ECPAS: variants seen among roughly 807,000 people sequenced by gnomAD.
ECPAS encodes the protein Ecm29 proteasome adaptor and scaffold.
ECPAS carries 70 observed loss-of-function variants against 255.1 expected under a neutral mutation model. That is an observed-to-expected ratio of 0.27 (90% CI 0.23 to 0.33). The LOEUF (loss-of-function observed/expected upper bound fraction) is 0.33. Among genes scored for constraint, ECPAS ranks in the 10% least tolerant of loss-of-function variants. ECPAS has a pLI of 1.00. For missense variants in ECPAS, 1,817 were observed against 2,206.4 expected (o/e 0.82, Z 3.54); for synonymous variants, 784 against 775.0 (o/e 1.01, Z -0.19).
At chr9:111,373,065 TAGC>T in intron 41 of ECPAS, 102 bp downstream of exon 41, 1 of 935,610 alleles carries the variant, frequency 1.1e-6, no homozygotes, top group Non-Finnish European at 1.7e-6. Flanking sequence ...CAAATGTTTC[TAGC>T]AAATCACATA....
At chr9:111,448,336 G>C (rs767246851) in intron 3 of ECPAS, among the ~76,000 whole-genome samples, 19 of 151,862 alleles carry the variant, frequency 1.3e-4, no homozygotes, top group Non-Finnish European at 1.9e-4. Flanking sequence ...TTATCAAGCA[G>C]ACAGAAGGAA....
At chr9:111,411,776 T>C in intron 21 of ECPAS, 1 of 373,846 alleles carries the variant, frequency 2.7e-6, no homozygotes. Flanking sequence ...GATTCTCATG[T>C]ATTTATGAAT....
rs772219330 is a variant in ECPAS, at chr9:111,425,839, T to C, written c.1051-11A>G. ...TCCATCATACACCACCTATGTAAAA[T>C]GAAGAGTTGAGAACATCAATTAATA... On this transcript the variant is annotated splice_polypyrimidine_tract_variant and intron_variant, in intron 10 of 49. Transcript: ENST00000684092. 13 of 1,328,608 alleles carry C rather than the reference T, an allele frequency of 9.8e-6. No homozygotes were observed. The allele number at this position is 1,328,608 out of a possible 1,614,324, so 82.3% of individuals were successfully genotyped here. A position where few individuals can be genotyped will look rare whatever the true frequency, so the allele number is the denominator to read the frequency against.
At chr9:111,385,476 A>G in intron 32 of ECPAS, 34 bp from the exon 33 acceptor site, 2 of 1,172,050 alleles carry the variant, frequency 1.7e-6, no homozygotes, top group Non-Finnish European at 2.5e-6. Flanking sequence ...ATATATGATG[A>G]AAAAGGTCAG....
intron 25 of ECPAS, among the ~76,000 whole-genome samples, chr9:111,395,913 A>G (rs1440807746): frequency 1.3e-5 from 2 of 152,196 alleles, no homozygotes; most frequent in Non-Finnish European, 2.9e-5. Context: ...ACTGACTCTG[A>G]TTCAGCTTCC....
chr9:111,439,271 C>CT (rs909855823), intron 6 of ECPAS, among the ~76,000 whole-genome samples: 1 of 150,786 alleles, frequency 6.6e-6, no homozygotes. Flanking sequence ...TTCTTTTTTC[C>CT]TTTTTTTTTG....
intron 3 of ECPAS, among the ~76,000 whole-genome samples, chr9:111,449,281 G>A (rs138970915): frequency 0.01 from 1,534 of 152,136 alleles, 20 homozygotes; most frequent in Non-Finnish European, 0.016. Flanking sequence ...TCTAAAAGCT[G>A]AGTTTCCTTT....
Position 111,422,176 on chromosome 9 carries a change from C to T in ECPAS, c.1290G>A (p.Lys430=). 1.2e-6 allele frequency: 2 copies of T among 1,613,678 alleles called. No individual in the cohort carries two copies. The highest frequency in any genetic ancestry group is 1.7e-6 in the Non-Finnish European group (2 of 1,179,740). ...AAAGCTGCTGCACAAGCGCTATATC[C>T]TTAGTGAATAAATGTGGCATCCGAC... ...LSSRMPHLFT[K]DIALVQQLFE... The change falls in exon 14 of 50, where the codon AAG becomes AAA. Residue 430 remains lysine (K), a synonymous_variant. Coordinates refer to ENST00000684092, the MANE Select transcript of ECPAS (RefSeq NM_001364929.1).
intron 2 of ECPAS, among the ~76,000 whole-genome samples, chr9:111,464,234 A>G (rs2098276532): frequency 6.6e-6 from 1 of 150,842 alleles, no homozygotes; most frequent in African/African-American, 2.4e-5. Flanking sequence ...GGAGTTCAAG[A>G]CCAGCCTGGG....
intron 2 of ECPAS, among the ~76,000 whole-genome samples, chr9:111,468,123 C>T (rs1181757517): frequency 6.6e-6 from 1 of 152,114 alleles, no homozygotes; most frequent in East Asian, 1.9e-4. Context: ...GCACTTCAGC[C>T]TGGGCATCAG....
chr9:111,444,019 G>T (rs7027253), intron 4 of ECPAS, among the ~76,000 whole-genome samples: 67,031 of 151,816 alleles, frequency 0.44, 14,958 homozygotes, highest in Non-Finnish European at 0.48. Context: ...TCTTCCATTA[G>T]GCTTTATTCG....
Position 111,414,492 on chromosome 9 carries a change from C to T in ECPAS, c.1924G>A (p.Gly642Arg). The change falls in exon 19 of 50, where the codon GGG (glycine) becomes AGG (arginine). Residue 642 changes from glycine to arginine, a missense_variant. Gly to Arg is a moderately radical substitution (Grantham distance 125). Around this residue, in one of 4 missense-constraint regions of ECPAS, gnomAD observed 573 missense variants for 716.2 expected, o/e 0.80. Transcript: ENST00000684092. Reference protein sequence around the residue: ...QMAPSSSNKSGETNPVQIYIG... With the variant: ...QMAPSSSNKSRETNPVQIYIG... ...TAGATCTGGACAGGGTTAGTCTCCCCACTCTTGTTAGATGATGAGGGTGCC... is the reference window on the plus strand; with the variant it reads ...TAGATCTGGACAGGGTTAGTCTCCCTACTCTTGTTAGATGATGAGGGTGCC... 6.2e-7 allele frequency: 1 copy of T among 1,613,922 alleles called. No individual in the cohort carries two copies. Among genetic ancestry groups the T allele is most frequent in the South Asian group, 1.1e-5 (1 of 91,080 alleles).
Position 111,372,464 on chromosome 9 carries a change from T to C in ECPAS, c.4493A>G (p.Asn1498Ser). The C allele has an allele frequency of 6.2e-7, 1 of 1,613,900 alleles. No individual in the cohort carries two copies. The change falls in exon 42 of 50, where the codon AAT becomes AGT. Residue 1498 changes from asparagine to serine, a missense_variant. Coordinates refer to ENST00000684092, the MANE Select transcript of ECPAS (RefSeq NM_001364929.1). The part of the protein sequence containing the change: ...DEEKSEKEEC[N>S]LWTEVWQENV... The stretch of plus-strand genomic sequence containing the variant: ...TTCCTGCCACACTTCGGTCCATAAA[T>C]TACATTCTTCTTTTTCGGATTTCTC...
rs72204951 is a variant in ECPAS, at chr9:111,382,008, A to AACACACAC, written c.3803+1195_3803+1202dup. On this transcript the variant is annotated intron_variant, in intron 35 of 49. Transcript: ENST00000684092. Reference sequence around the variant, plus strand: ...ACTGAGTTCACGTTCAATTTTGTAAAACACACACACACACACACACACACA... The same window carrying AACACACAC: ...ACTGAGTTCACGTTCAATTTTGTAAAACACACACACACACACACACACACACACACACA... Among the ~76,000 whole-genome samples, 153 of 147,124 alleles carry AACACACAC rather than the reference A, an allele frequency of 1.0e-3. 1 individual carries two copies. The highest frequency in any genetic ancestry group is 3.7e-3 in the African/African-American group (149 of 40,020).
Position 111,410,108 on chromosome 9 carries a change from C to G in ECPAS, c.2483G>C (p.Gly828Ala), listed in dbSNP as rs888218185. 5.6e-6 allele frequency: 9 copies of G among 1,604,304 alleles called. No homozygotes were observed. The highest frequency in any genetic ancestry group is 3.4e-5 in the Admixed American group (2 of 58,540). Residue 828 changes from glycine (G) to alanine (A), a missense_variant, in exon 23 of 50, where the codon GGC (glycine) becomes GCC (alanine). Gly to Ala is a moderately conservative substitution (Grantham distance 60). Around this residue, in one of 4 missense-constraint regions of ECPAS, gnomAD observed 194 missense variants for 152.8 expected, o/e 1.27. Coordinates refer to ENST00000684092, the MANE Select transcript of ECPAS (RefSeq NM_001364929.1). Reference sequence around the variant, plus strand: ...TTCTACAAGATGCAATTTGGTAAAGCCAGATCCCTCACTGGGGATTGGAAG... The same window carrying G: ...TTCTACAAGATGCAATTTGGTAAAGGCAGATCCCTCACTGGGGATTGGAAG... ...GPLPIPSEGS[G>A]FTKLHLVESL...
intron 16 of ECPAS, 60 bp downstream of exon 16, chr9:111,419,957 G>T: frequency 8.2e-7 from 1 of 1,226,738 alleles, no homozygotes. Context: ...ACAACTTTTA[G>T]TAATTTTCAA....
At position 111,451,453 on chromosome 9, in the gene ECPAS, G is replaced by C. The variant is rs1322492670; in HGVS notation, c.125C>G (p.Ser42Cys). 2.5e-6 allele frequency: 4 copies of C among 1,574,800 alleles called. No homozygotes were observed. Among genetic ancestry groups the C allele is most frequent in the Non-Finnish European group, 3.5e-6 (4 of 1,159,166 alleles). ...TTTACGTACTCCTTCTTGGGTGCTA[G>C]AGAGTTTGAGCAAAACAGGAGGAAG... ...KFLPPVLLKLSSTQEGVRKKV... is the reference protein window; with the variant it reads ...KFLPPVLLKLCSTQEGVRKKV... The change falls in exon 3 of 50, where the codon TCT becomes TGT. Residue 42 changes from serine (S) to cysteine (C), a missense_variant. Around this residue, in one of 4 missense-constraint regions of ECPAS, gnomAD observed 90 missense variants for 158.5 expected, o/e 0.57. Transcript: ENST00000684092.
intron 45 of ECPAS, 27 bp downstream of exon 45, chr9:111,370,408 C>T (rs751601825): frequency 6.2e-6 from 9 of 1,457,678 alleles, no homozygotes; most frequent in Non-Finnish European, 8.4e-6. Context: ...AAGTATAAAC[C>T]AGAACTGAGG....
chr9:111,457,043 A>G (rs1272662393), intron 2 of ECPAS, among the ~76,000 whole-genome samples: 2 of 152,224 alleles, frequency 1.3e-5, no homozygotes, highest in Non-Finnish European at 2.9e-5. Context: ...ATTAAGAAAG[A>G]TTTTCCTAGG....
Sources: allele counts gnomAD v4.1 joint callset (sites outside exome capture counted in the v4.1 genomes callset), GRCh38; gene constraint gnomAD v4.1.1; regional missense constraint gnomAD v4.1.1; transcripts MANE v1.5; gene names NCBI Gene and HGNC (gene_info 2026-07-23, HGNC 2026-07-21).